OCA2: variants seen among roughly 807,000 people sequenced by gnomAD.
OCA2 encodes the protein P protein.
Under a neutral mutation model 100.2 loss-of-function variants are expected in OCA2, and 77 were observed. The observed-to-expected ratio is 0.77, with a 90% confidence interval of 0.64 to 0.93. OCA2 has a LOEUF of 0.93. OCA2 is among the 40% of genes least tolerant of loss of function. The probability of loss-of-function intolerance (pLI) is 0.00; values close to 1 mark genes in which losing one functional copy is unlikely to be tolerated. For missense variants in OCA2, 1,062 were observed against 1,089.1 expected, an observed-to-expected ratio of 0.98 and a Z score of 0.35; for synonymous variants, 432 against 439.2, an observed-to-expected ratio of 0.98 and a Z score of 0.21.
At chr15:27,987,306 A>G (rs998273984) in intron 11 of OCA2, among the ~76,000 whole-genome samples, 5 of 152,204 alleles carry the variant, frequency 3.3e-5, no homozygotes, top group Non-Finnish European at 5.9e-5. Context: ...TCAACCAGAC[A>G]TCTCAGCTAG....
At position 28,027,972 on chromosome 15, in the gene OCA2, G is replaced by C; in HGVS notation, c.414C>G (p.Tyr138Ter). The C allele has an allele frequency of 1.2e-6, 2 of 1,614,212 alleles. No homozygotes were observed. The highest frequency in any genetic ancestry group is 1.1e-5 in the South Asian group (1 of 91,082). ...EDSSADWERR[Y>*]LLSREVSGLS... is the part of the protein sequence containing the mutation. ...GACCAGACACCTCCCTGCTTAGCAG[G>C]TATCTTCGCTCCCAGTCAGCAGAGC... Residue 138 changes from tyrosine (Y) to a stop codon, truncating the protein, a stop_gained, in exon 4 of 24, where the codon TAC (tyrosine) becomes TAG (stop). Coordinates refer to ENST00000354638, the MANE Select transcript of OCA2 (RefSeq NM_000275.3). LOFTEE classifies it high-confidence loss of function.
chr15:27,988,097 T>A (rs974173107), intron 11 of OCA2, among the ~76,000 whole-genome samples: 1 of 151,576 alleles, frequency 6.6e-6, no homozygotes, highest in African/African-American at 2.4e-5. Context: ...CCATGTGGTG[T>A]TTTACACATT....
intron 18 of OCA2, 134 bp from the exon 19 acceptor site, chr15:27,926,388 A>G: frequency 2.1e-6 from 2 of 946,244 alleles, no homozygotes; most frequent in East Asian, 5.2e-5. Flanking sequence ...TAAAATGCAT[A>G]TAATTTCTAT....
chr15:27,906,819 C>G (rs1371488757), intron 19 of OCA2, among the ~76,000 whole-genome samples: 6 of 152,158 alleles, frequency 3.9e-5, no homozygotes. Context: ...TCTGTAGCCT[C>G]TGAAAGTAGA....
At chr15:27,744,522 G>A in the OCA2 span, among the ~76,000 whole-genome samples, 4 of 152,092 alleles carry the variant, frequency 2.6e-5, no homozygotes, top group African/African-American at 9.7e-5. Context: ...TGGCCCTTTG[G>A]GTTTCTCTGT....
intron 23 of OCA2, among the ~76,000 whole-genome samples, chr15:27,761,470 A>C (rs2030835594): frequency 6.6e-6 from 1 of 151,862 alleles, no homozygotes; most frequent in South Asian, 2.1e-4. Context: ...TAAAAAAAAA[A>C]AAACCCAAAG....
chr15:27,960,834 G>A (rs985289669), intron 15 of OCA2, among the ~76,000 whole-genome samples: 1 of 151,282 alleles, frequency 6.6e-6, no homozygotes, highest in African/African-American at 2.4e-5. Context: ...AACCCAGGAG[G>A]TGGAGGTTGC....
At position 28,081,023 on chromosome 15, in the gene OCA2, C is replaced by T. The variant is rs185331523; in HGVS notation, c.227+625G>A. On this transcript the variant is annotated intron_variant, in intron 2 of 23. Coordinates refer to ENST00000354638, the MANE Select transcript of OCA2 (RefSeq NM_000275.3). ...GGAAACCAAATACCACATATTCTCACGACAAGTGGGCGCTAACCCCCGGGT... is the reference window on the plus strand; with the variant it reads ...GGAAACCAAATACCACATATTCTCATGACAAGTGGGCGCTAACCCCCGGGT... 4.5e-4 allele frequency among the ~76,000 whole-genome samples: 68 copies of T among 152,198 alleles called. No individual in the cohort carries two copies. In the East Asian group the frequency reaches 7.3e-3, roughly 16 times the overall value.
chr15:27,798,203 G>C (rs915953652), intron 23 of OCA2, among the ~76,000 whole-genome samples: 2 of 152,204 alleles, frequency 1.3e-5, no homozygotes, highest in African/African-American at 4.8e-5. Context: ...TGGAGGAAGA[G>C]GAAGGGCCAG....
At chr15:27,996,277 AT>A (rs1387473251) in intron 9 of OCA2, among the ~76,000 whole-genome samples, 3 of 152,348 alleles carry the variant, frequency 2.0e-5, no homozygotes, top group African/African-American at 7.2e-5. Flanking sequence ...CCTCAAAATC[AT>A]TAGCCTGATT....
intron 23 of OCA2, among the ~76,000 whole-genome samples, chr15:27,824,602 C>CTCTCTCTCTATATATATATATATATATA: frequency 4.0e-4 from 19 of 47,588 alleles, no homozygotes; most frequent in African/African-American, 4.7e-4. Context: ...CTCTCTCTCT[C>CTCTCTCTCTATATATATATATATATATA]TATATATATA....
intron 9 of OCA2, among the ~76,000 whole-genome samples, chr15:28,001,846 G>A (rs990078621): frequency 1.3e-5 from 2 of 152,176 alleles, no homozygotes; most frequent in African/African-American, 4.8e-5. Flanking sequence ...GCCCAGCCGG[G>A]CAGAGCTGCA....
At chr15:28,048,463 T>C (rs142100226) in intron 2 of OCA2, among the ~76,000 whole-genome samples, 131 of 152,272 alleles carry the variant, frequency 8.6e-4, no homozygotes, top group African/African-American at 2.9e-3. Flanking sequence ...TCTTCAACAA[T>C]TGGTGCTGGG....
chr15:27,846,151 C>A (rs547377938), intron 22 of OCA2, among the ~76,000 whole-genome samples: 1 of 152,050 alleles, frequency 6.6e-6, no homozygotes, highest in African/African-American at 2.4e-5. Flanking sequence ...TGCGAGTCTT[C>A]GGGGCAGTGC....
intron 19 of OCA2, among the ~76,000 whole-genome samples, chr15:27,883,875 C>G (rs2037121270): frequency 6.6e-6 from 1 of 152,126 alleles, no homozygotes; most frequent in Non-Finnish European, 1.5e-5. Context: ...AAAGAAAAAT[C>G]TGATTTTTTT....
intron 15 of OCA2, among the ~76,000 whole-genome samples, chr15:27,961,648 G>A (rs565701130): frequency 6.6e-6 from 1 of 152,292 alleles, no homozygotes; most frequent in East Asian, 1.9e-4. Context: ...GTCCTTTGCA[G>A]GGACATGGAT....
At chr15:28,061,349 A>G (rs2141666368) in intron 2 of OCA2, among the ~76,000 whole-genome samples, 1 of 152,348 alleles carries the variant, frequency 6.6e-6, no homozygotes, top group Non-Finnish European at 1.5e-5. Flanking sequence ...TTCACTGGCC[A>G]TACACAACAA....
chr15:27,936,945 G>A (rs895992379), intron 18 of OCA2, among the ~76,000 whole-genome samples: 2 of 152,162 alleles, frequency 1.3e-5, no homozygotes, highest in African/African-American at 4.8e-5. Flanking sequence ...TGAGCATTTT[G>A]CCTCAAATAA....
At chr15:27,926,928 TCTGA>T (rs994646037) in intron 18 of OCA2, among the ~76,000 whole-genome samples, 15 of 152,298 alleles carry the variant, frequency 9.8e-5, no homozygotes, top group East Asian at 3.9e-4. Context: ...GTATTTTTTG[TCTGA>T]CTGTTTCTCA....
Sources: allele counts gnomAD v4.1 joint callset (sites outside exome capture counted in the v4.1 genomes callset), GRCh38; gene constraint gnomAD v4.1.1; transcripts MANE v1.5; gene names NCBI Gene and HGNC (gene_info 2026-07-23, HGNC 2026-07-21).